The following FGF14 variants were observed in gnomAD, a reference collection of about 807,000 sequenced individuals.
FGF14 encodes fibroblast growth factor homologous factor 4.
In FGF14, 5 loss-of-function variants were observed where a neutral mutation model predicts 25.5. The ratio of observed to expected loss-of-function variants is 0.20; its 90% CI spans 0.10 to 0.41. The LOEUF (loss-of-function observed/expected upper bound fraction) is 0.41, where lower values mean the gene tolerates loss of function less well. Ranked by LOEUF, FGF14 falls within the 10% of genes least tolerant of loss-of-function variation. The probability of loss-of-function intolerance (pLI) is 1.00; values close to 1 mark genes in which losing one functional copy is unlikely to be tolerated. For synonymous variants in FGF14, 138 were observed against 118.3 expected, an observed-to-expected ratio of 1.17 and a Z score of -1.08; for missense variants, 222 against 320.1, an observed-to-expected ratio of 0.69 and a Z score of 2.34.
At chr13:102,362,314 T>C (rs1222716601) in intron 1 of FGF14, among the ~76,000 whole-genome samples, 1 of 152,224 alleles carries the variant, frequency 6.6e-6, no homozygotes, top group Non-Finnish European at 1.5e-5. Context: ...ATCCTTTTTC[T>C]GGCTCATTAT....
rs1594539329 is a variant in FGF14 at position 101,867,141 on chromosome 13, C to A, written c.408+1584G>T. On this transcript the variant is annotated intron_variant, in intron 3 of 4. Transcript: ENST00000376143. ...GAGATCTGATTTCTGCATGCGGAAA[C>A]CATATTTAAAATGCAGGGGACTGGA... Among the ~76,000 whole-genome samples the A allele has an allele frequency of 2.6e-5, 4 of 152,108 alleles. No individual in the cohort carries two copies. In the East Asian group the frequency reaches 7.7e-4, roughly 29 times the overall value.
At chr13:101,870,406 C>A (rs558142079) in intron 2 of FGF14, among the ~76,000 whole-genome samples, 4 of 152,034 alleles carry the variant, frequency 2.6e-5, no homozygotes, top group African/African-American at 9.7e-5. Context: ...TGACTGTCCA[C>A]GCAAGGTACA....
At chr13:102,297,381 G>A (rs572509355) in intron 1 of FGF14, among the ~76,000 whole-genome samples, 82 of 152,150 alleles carry the variant, frequency 5.4e-4, no homozygotes, top group Non-Finnish European at 9.6e-4. Context: ...AACAGGAAAA[G>A]GACATTAGGT....
intron 3 of FGF14, among the ~76,000 whole-genome samples, chr13:101,854,678 G>A (rs1419283555): frequency 6.6e-6 from 1 of 152,008 alleles, no homozygotes; most frequent in African/African-American, 2.4e-5. Flanking sequence ...AGGCCCATAT[G>A]CTTAAATAAG....
chr13:102,332,017 T>C (rs1300219640), intron 1 of FGF14, among the ~76,000 whole-genome samples: 1 of 152,192 alleles, frequency 6.6e-6, no homozygotes, highest in African/African-American at 2.4e-5. Context: ...AAGGGTATGA[T>C]GACCTGAATT....
rs74122653 is a variant in FGF14 at position 101,743,639 on chromosome 13, G to C, written c.409-16829C>G. ...TCTTGCCTTCACACTGTCAGTGATAGAATGTTCAGATAAAGAAACATATAC... is the reference window on the plus strand; with the variant it reads ...TCTTGCCTTCACACTGTCAGTGATACAATGTTCAGATAAAGAAACATATAC... On this transcript the variant is annotated intron_variant, in intron 3 of 4. Transcript: ENST00000376143. Among the ~76,000 whole-genome samples the C allele has an allele frequency of 7.1e-3, 1,084 of 152,240 alleles. 19 individuals are homozygous for C. Among genetic ancestry groups the C allele is most frequent in the African/African-American group, 0.024 (999 of 41,546 alleles).
chr13:101,812,633 A>T (rs1566931100), intron 3 of FGF14, among the ~76,000 whole-genome samples: 1 of 9,860 alleles, frequency 1.0e-4, no homozygotes, highest in Admixed American at 9.2e-4. Flanking sequence ...ATATATATAT[A>T]TATATATATA....
At chr13:102,128,180 C>A (rs970998176) in intron 1 of FGF14, among the ~76,000 whole-genome samples, 1 of 131,578 alleles carries the variant, frequency 7.6e-6, no homozygotes, top group African/African-American at 2.6e-5. Flanking sequence ...GCTTTCTCAT[C>A]TATAAAAAAG....
chr13:101,829,602 C>T (rs892411074), intron 3 of FGF14, among the ~76,000 whole-genome samples: 8 of 151,792 alleles, frequency 5.3e-5, no homozygotes, highest in African/African-American at 1.2e-4. Context: ...TTTCCAGCAT[C>T]GTCATCATAA....
At chr13:101,842,973 G>A (rs554662745) in intron 3 of FGF14, among the ~76,000 whole-genome samples, 88 of 152,156 alleles carry the variant, frequency 5.8e-4, no homozygotes, top group Admixed American at 5.0e-3. Flanking sequence ...TCGGACAAAC[G>A]ATCATCCTAA....
chr13:102,254,095 T>C (rs2052329266), intron 1 of FGF14, among the ~76,000 whole-genome samples: 1 of 152,242 alleles, frequency 6.6e-6, no homozygotes, highest in South Asian at 2.1e-4. Context: ...AGGGAAAGAC[T>C]GGTTGGTGAT....
intron 1 of FGF14, among the ~76,000 whole-genome samples, chr13:102,106,302 G>A (rs919625067): frequency 9.2e-5 from 14 of 152,062 alleles, no homozygotes; most frequent in Non-Finnish European, 4.4e-5. Context: ...CAGGCGCAGT[G>A]CCTCACGCCT....
At chr13:102,111,777 C>CAA (rs10602468) in intron 1 of FGF14, among the ~76,000 whole-genome samples, 1 of 137,684 alleles carries the variant, frequency 7.3e-6, no homozygotes, top group Non-Finnish European at 1.6e-5. Context: ...AACCATCAAA[C>CAA]AAAAAAAAAA....
chr13:102,058,445 A>G (rs1438580117), intron 1 of FGF14, among the ~76,000 whole-genome samples: 2 of 152,320 alleles, frequency 1.3e-5, no homozygotes, highest in African/African-American at 4.8e-5. Flanking sequence ...GTAATTTCTT[A>G]ACTTTCATCA....
intron 1 of FGF14, among the ~76,000 whole-genome samples, chr13:102,229,850 T>C (rs80314894): frequency 0.078 from 11,880 of 152,250 alleles, 743 homozygotes; most frequent in African/African-American, 0.17. Context: ...AGTGGACAGA[T>C]CAGAGGTGAA....
chr13:102,098,771 G>C (rs2140276366), intron 1 of FGF14, among the ~76,000 whole-genome samples: 1 of 152,254 alleles, frequency 6.6e-6, no homozygotes, highest in East Asian at 1.9e-4. Flanking sequence ...TGCGCTTTTA[G>C]GACAGAAAAG....
intron 1 of FGF14, among the ~76,000 whole-genome samples, chr13:102,154,485 C>G (rs1038717347): frequency 6.6e-6 from 1 of 152,118 alleles, no homozygotes; most frequent in African/African-American, 2.4e-5. Flanking sequence ...TTGTCACCAC[C>G]AGGCCTGCCC....
At chr13:102,126,739 G>T (rs76132130) in intron 1 of FGF14, among the ~76,000 whole-genome samples, 4,683 of 152,142 alleles carry the variant, frequency 0.031, 271 homozygotes, top group African/African-American at 0.11. Flanking sequence ...TAACTCTTAT[G>T]GATCATTTCC....
rs2035040477 is a variant in FGF14, at chr13:101,722,181, G to GT, written c.*649dup. The GT allele has an allele frequency of 1.2e-5, 2 of 167,450 alleles. No individual in the cohort carries two copies. The highest frequency in any genetic ancestry group is 2.6e-5 in the Non-Finnish European group (2 of 76,912). The allele number at this position is 167,450 out of a possible 1,614,324, so 10.4% of individuals were successfully genotyped here. ...AGCGTATATGTGTGTTTAATCGATA[G>GT]TGTGAGCCAGAGACAACAATCTTTC... On this transcript the variant is annotated 3_prime_UTR_variant, in exon 5 of 5. Coordinates refer to ENST00000376143, the MANE Select transcript of FGF14 (RefSeq NM_004115.4).
Sources: allele counts gnomAD v4.1 joint callset (sites outside exome capture counted in the v4.1 genomes callset), GRCh38; gene constraint gnomAD v4.1.1; transcripts MANE v1.5; gene names NCBI Gene and HGNC (gene_info 2026-07-23, HGNC 2026-07-21).